Variants in ZFPM2 observed in about 807,000 individuals in gnomAD.
The protein encoded by ZFPM2 is zinc finger protein ZFPM2.
Under a neutral mutation model 98.6 loss-of-function variants are expected in ZFPM2, and 20 were observed. The observed-to-expected ratio is 0.20, with a 90% CI of 0.14 to 0.29. The LOEUF (loss-of-function observed/expected upper bound fraction) is 0.29. ZFPM2 is among the 10% of genes least tolerant of loss of function. The probability of loss-of-function intolerance (pLI) is 1.00; values close to 1 mark genes in which losing one functional copy is unlikely to be tolerated. For synonymous variants in ZFPM2, 518 were observed against 502.7 expected, an observed-to-expected ratio of 1.03 and a Z score of -0.41; for missense variants, 1,310 against 1,388.6, an observed-to-expected ratio of 0.94 and a Z score of 0.90.
At chr8:105,740,881 T>C (rs1328721411) in intron 5 of ZFPM2, among the ~76,000 whole-genome samples, 10 of 152,034 alleles carry the variant, frequency 6.6e-5, no homozygotes, top group Admixed American at 5.9e-4. Flanking sequence ...GAGAAGAGGT[T>C]TGCAATTTCA....
At chr8:105,499,370 CAAAA>C (rs908206903) in intron 3 of ZFPM2, among the ~76,000 whole-genome samples, 10 of 150,676 alleles carry the variant, frequency 6.6e-5, no homozygotes, top group Admixed American at 4.0e-4. Context: ...AACAAACAAA[CAAAA>C]GAAACCTAGA....
At chr8:105,700,164 C>A (rs1170338601) in intron 5 of ZFPM2, among the ~76,000 whole-genome samples, 1 of 152,144 alleles carries the variant, frequency 6.6e-6, no homozygotes, top group African/African-American at 2.4e-5. Context: ...AGCAAGAGGG[C>A]CTAGAAAATT....
intron 5 of ZFPM2, among the ~76,000 whole-genome samples, chr8:105,634,883 G>A (rs1204557047): frequency 6.6e-6 from 1 of 152,168 alleles, no homozygotes; most frequent in Non-Finnish European, 1.5e-5. Context: ...CTCTAAAGAG[G>A]AAGCTGATGA....
chr8:105,382,060 A>T (rs1330580161), intron 1 of ZFPM2, among the ~76,000 whole-genome samples: 1 of 152,132 alleles, frequency 6.6e-6, no homozygotes, highest in African/African-American at 2.4e-5. Context: ...TGTCCAAAAC[A>T]CCTGCTCCTG....
chr8:105,318,728 G>GC lies in ZFPM2; in HGVS notation c.-209dup, dbSNP rs1811954595. On this transcript the variant is annotated 5_prime_UTR_variant, in exon 1 of 8. Transcript: ENST00000407775. Reference sequence around the variant, plus strand: ...CCCTCCTCACTGTCACACTCTCTGTGCCCCCGTCTCTCTTCTCTCATTTGC... The same window carrying GC: ...CCCTCCTCACTGTCACACTCTCTGTGCCCCCCGTCTCTCTTCTCTCATTTGC... 3 of 151,116 alleles carry GC rather than the reference G, an allele frequency of 2.0e-5. No individual in the cohort carries two copies. The highest frequency in any genetic ancestry group is 7.4e-5 in the African/African-American group (3 of 40,670). 9.4% of individuals were successfully genotyped at this position (151,116 alleles called of 1,614,324 possible). A position where few individuals can be genotyped will look rare whatever the true frequency, so the allele number is the denominator to read the frequency against.
chr8:105,635,458 TA>T (rs757293295), intron 5 of ZFPM2, among the ~76,000 whole-genome samples: 283 of 139,222 alleles, frequency 2.0e-3, no homozygotes, highest in Non-Finnish European at 1.8e-3. Context: ...ATTTGCAAGC[TA>T]AAAAAAAAAA....
rs1814008055 is a variant in ZFPM2 at position 105,801,391 on chromosome 8, G to C, written c.1309G>C (p.Glu437Gln). 21 of 1,613,876 alleles carry C rather than the reference G, an allele frequency of 1.3e-5. No homozygotes were observed. The highest frequency in any genetic ancestry group is 3.3e-4 in the Middle Eastern group (2 of 6,062). Residue 437 changes from glutamate to glutamine, a missense_variant, in exon 8 of 8, where the codon GAG becomes CAG. Transcript: ENST00000407775. ...GACTAAAGATGCGAGCTCTGACACA[G>C]AGCTGGACAAGTGTGAGAAAAAGAC... Reference protein sequence around the residue: ...MQTKDASSDTELDKCEKKTQL... With the variant: ...MQTKDASSDTQLDKCEKKTQL...
chr8:105,671,657 T>A lies in ZFPM2; in HGVS notation c.532+37300T>A, dbSNP rs376108942. ...GGACATTAAATAAATAGGTGGTTTT[T>A]TTTTACTTTTAACATTTTTATTTTT... On this transcript the variant is annotated intron_variant, in intron 5 of 7. Transcript: ENST00000407775. Among the ~76,000 whole-genome samples, 59 of 152,252 alleles carry A rather than the reference T, an allele frequency of 3.9e-4. 1 individual carries two copies. The East Asian group carries it at 4.4e-3, about 11-fold the overall frequency.
At chr8:105,461,544 C>G (rs1034250563) in intron 3 of ZFPM2, among the ~76,000 whole-genome samples, 11 of 152,012 alleles carry the variant, frequency 7.2e-5, no homozygotes, top group Non-Finnish European at 1.6e-4. Flanking sequence ...GGTCCTAAAG[C>G]ATTTATTTTT....
At chr8:105,417,650 C>T (rs551932626) in intron 1 of ZFPM2, among the ~76,000 whole-genome samples, 10 of 151,954 alleles carry the variant, frequency 6.6e-5, no homozygotes, top group East Asian at 1.9e-4. Context: ...TGCTCTTTGA[C>T]GTAATTATTC....
intron 6 of ZFPM2, chr8:105,797,189 A>C (rs1264580108): frequency 6.6e-6 from 1 of 152,242 alleles, no homozygotes; most frequent in East Asian, 1.9e-4. Context: ...TGATGCGGTC[A>C]TGGATGGGCG....
intron 1 of ZFPM2, among the ~76,000 whole-genome samples, chr8:105,350,083 T>C (rs1226033336): frequency 2.6e-5 from 4 of 152,190 alleles, no homozygotes; most frequent in Non-Finnish European, 5.9e-5. Flanking sequence ...TTAAATGATA[T>C]ATACTTTTTA....
At chr8:105,463,344 T>C (rs116468557) in intron 3 of ZFPM2, among the ~76,000 whole-genome samples, 4,909 of 151,816 alleles carry the variant, frequency 0.032, 264 homozygotes, top group African/African-American at 0.11. Flanking sequence ...AAGCTATATA[T>C]GTGTGTGTAT....
At chr8:105,616,146 C>A (rs988080775) in intron 4 of ZFPM2, among the ~76,000 whole-genome samples, 1 of 151,772 alleles carries the variant, frequency 6.6e-6, no homozygotes, top group African/African-American at 2.4e-5. Flanking sequence ...TAATTAGAAA[C>A]TCAATGACCA....
chr8:105,751,814 T>C (rs1054534506), intron 5 of ZFPM2, among the ~76,000 whole-genome samples: 9 of 151,942 alleles, frequency 5.9e-5, no homozygotes, highest in African/African-American at 2.2e-4. Context: ...AAAAAAGTTC[T>C]TCAGCTGAGT....
intron 2 of ZFPM2, among the ~76,000 whole-genome samples, chr8:105,422,990 T>A (rs374363711): frequency 1.3e-5 from 2 of 152,188 alleles, no homozygotes; most frequent in East Asian, 3.8e-4. Context: ...CTTCAATGGC[T>A]CTTATTATTG....
intron 1 of ZFPM2, among the ~76,000 whole-genome samples, chr8:105,347,908 C>T (rs564611324): frequency 9.9e-5 from 15 of 152,262 alleles, no homozygotes; most frequent in South Asian, 6.2e-4. Context: ...TCCCCACCCC[C>T]GACATACTCA....
chr8:105,683,119 C>G (rs1036879457), intron 5 of ZFPM2, among the ~76,000 whole-genome samples: 1 of 152,002 alleles, frequency 6.6e-6, no homozygotes, highest in Non-Finnish European at 1.5e-5. Flanking sequence ...GCTCTGTCCT[C>G]ATGAGTTAAT....
At chr8:105,433,988 A>C (rs1246971181) in intron 2 of ZFPM2, among the ~76,000 whole-genome samples, 1 of 152,178 alleles carries the variant, frequency 6.6e-6, no homozygotes, top group African/African-American at 2.4e-5. Context: ...ATTTTGTCAG[A>C]TAGGAAAGCC....
Sources: allele counts gnomAD v4.1 joint callset (sites outside exome capture counted in the v4.1 genomes callset), GRCh38; gene constraint gnomAD v4.1.1; transcripts MANE v1.5; gene names NCBI Gene and HGNC (gene_info 2026-07-23, HGNC 2026-07-21).